Variants in WDR44 observed in about 807,000 individuals in gnomAD.
The protein encoded by WDR44 is WD repeat domain 44.
WDR44 carries 9 observed loss-of-function variants against 65.7 expected under a neutral mutation model. The ratio of observed to expected loss-of-function variants is 0.14; its 90% CI spans 0.08 to 0.24. The LOEUF is 0.24. Among genes scored for constraint, WDR44 ranks in the 10% least tolerant of loss-of-function variants. The pLI is 1.00. For synonymous variants in WDR44, 220 were observed against 235.2 expected, an observed-to-expected ratio of 0.94 and a Z score of 0.59; for missense variants, 425 against 670.9, an observed-to-expected ratio of 0.63 and a Z score of 4.05.
At chrX:118,394,303 C>T (rs1302868779) in intron 5 of WDR44, 118 bp downstream of exon 5, 2 of 1,004,907 alleles carry the variant, frequency 2.0e-6, no homozygotes. Flanking sequence ...CCAAACCTGA[C>T]CCCCTTACTT....
intron 1 of WDR44, among the ~76,000 whole-genome samples, chrX:118,359,540 A>G (rs934364309): frequency 1.8e-5 from 2 of 112,097 alleles, no homozygotes; most frequent in Non-Finnish European, 3.8e-5. Context: ...GTCATTTTAG[A>G]TAAGATATAA....
intron 3 of WDR44, among the ~76,000 whole-genome samples, chrX:118,391,685 C>T (rs1014391550): frequency 1.8e-5 from 2 of 111,697 alleles, no homozygotes; most frequent in Admixed American, 1.9e-4. Context: ...ATATTTTAAG[C>T]TACATATAAG....
At chrX:118,408,924 G>T (rs1416455896) in intron 10 of WDR44, among the ~76,000 whole-genome samples, 1 of 111,458 alleles carries the variant, frequency 9.0e-6, no homozygotes, top group Non-Finnish European at 1.9e-5. Context: ...ATGTGGACAG[G>T]GTTTGAGTTC....
intron 2 of WDR44, 137 bp downstream of exon 2, chrX:118,378,589 T>G: frequency 2.0e-6 from 1 of 497,829 alleles, no homozygotes; most frequent in Non-Finnish European, 3.4e-6. Flanking sequence ...TATGTCCTAC[T>G]TGGTATACAT....
chrX:118,444,585 A>G (rs779721199), intron 19 of WDR44, 91 bp downstream of exon 19: 1 of 1,016,851 alleles, frequency 9.8e-7, no homozygotes, highest in East Asian at 3.2e-5. Flanking sequence ...TCACTAGTAT[A>G]AAGAATATTT....
At chrX:118,405,685 G>A (rs886892575) in intron 9 of WDR44, among the ~76,000 whole-genome samples, 3 of 111,217 alleles carry the variant, frequency 2.7e-5, no homozygotes, top group African/African-American at 6.5e-5. Context: ...ATATCCATGG[G>A]TTCCACATGG....
intron 12 of WDR44, among the ~76,000 whole-genome samples, chrX:118,432,190 C>G (rs996323587): frequency 2.7e-5 from 3 of 111,568 alleles, no homozygotes; most frequent in Non-Finnish European, 5.6e-5. Flanking sequence ...CCTACTATCT[C>G]CCTGCTTTGT....
intron 19 of WDR44, chrX:118,447,054 T>C (rs2057352436): frequency 6.3e-6 from 2 of 317,867 alleles, no homozygotes; most frequent in Non-Finnish European, 1.2e-5. Context: ...TTTTTCTTTT[T>C]GCTAGCAATG....
intron 3 of WDR44, among the ~76,000 whole-genome samples, chrX:118,389,635 C>T (rs747339790): frequency 3.9e-5 from 4 of 102,877 alleles, no homozygotes; most frequent in Non-Finnish European, 5.9e-5. Context: ...GCAGGAGAAT[C>T]GCTTGAACCT....
chrX:118,390,162 T>G (rs1434435450), intron 3 of WDR44, among the ~76,000 whole-genome samples: 1 of 110,822 alleles, frequency 9.0e-6, no homozygotes, highest in East Asian at 2.8e-4. Context: ...CCTCAGTTGA[T>G]CCGCCCACCT....
intron 2 of WDR44, chrX:118,386,450 T>C (rs777048487): frequency 2.9e-5 from 10 of 347,569 alleles, no homozygotes; most frequent in Non-Finnish European, 5.0e-5. Context: ...TACGTAGATA[T>C]ATATGTATTT....
In WDR44 at chrX:118,442,686, T is replaced by C. The variant is rs1053162510; in HGVS notation, c.2384+6T>C. On this transcript the variant is annotated splice_donor_region_variant and intron_variant, in intron 17 of 19. Coordinates refer to ENST00000254029, the MANE Select transcript of WDR44 (RefSeq NM_019045.5). ...CAGATCAAAGCAAGTTTCAGGTAAA[T>C]TGGCAATGAGATGTTCCCAAAAGAG... 4 of 1,186,551 alleles carry C rather than the reference T, an allele frequency of 3.4e-6. No homozygotes were observed. Among genetic ancestry groups the C allele is most frequent in the Non-Finnish European group, 3.4e-6 (3 of 872,897 alleles).
intron 1 of WDR44, among the ~76,000 whole-genome samples, chrX:118,374,372 T>C (rs2056639485): frequency 8.9e-6 from 1 of 111,834 alleles, no homozygotes; most frequent in African/African-American, 3.3e-5. Context: ...ATTAATGTTC[T>C]ACAAATGGAT....
At chrX:118,390,800 C>CT (rs1449788056) in intron 3 of WDR44, among the ~76,000 whole-genome samples, 2 of 111,746 alleles carry the variant, frequency 1.8e-5, no homozygotes, top group African/African-American at 3.3e-5. Context: ...TATTTCTTAC[C>CT]TTTTTTTCAT....
At chrX:118,420,251 A>AT (rs374523427) in intron 12 of WDR44, among the ~76,000 whole-genome samples, 2 of 109,972 alleles carry the variant, frequency 1.8e-5, no homozygotes, top group East Asian at 2.8e-4. Context: ...GTGGTTTAAA[A>AT]TTTTTTTTTC....
chrX:118,419,106 C>G (rs1202436767), intron 12 of WDR44, among the ~76,000 whole-genome samples: 1 of 111,310 alleles, frequency 9.0e-6, no homozygotes, highest in African/African-American at 3.3e-5. Flanking sequence ...CCAGGCTACT[C>G]ACCTCCCAGC....
Position 118,407,010 on chromosome X carries a change from TTAG to T in WDR44, c.1519_1521del (p.Ser507del). ...GATCAGATCAAAGTGGTGCAAGATC[TTAG>T]TGGTGAACATATGGTAAGCAACTTT... On this transcript the variant is annotated inframe_deletion, in exon 10 of 20. Transcript: ENST00000254029. The T allele has an allele frequency of 8.3e-7, 1 of 1,207,056 alleles. No homozygotes were observed. The highest frequency in any genetic ancestry group is 1.1e-6 in the Non-Finnish European group (1 of 893,988).
chrX:118,363,226 T>C (rs2682999), intron 1 of WDR44, among the ~76,000 whole-genome samples: 50,476 of 105,621 alleles, frequency 0.48, 12,118 homozygotes, highest in African/African-American at 0.88. Flanking sequence ...GGTGAAACCC[T>C]GTCTCTACTA....
intron 19 of WDR44, chrX:118,447,175 TTTTTC>T (rs939023940): frequency 3.6e-4 from 90 of 252,433 alleles, no homozygotes; most frequent in African/African-American, 1.1e-3. Context: ...ACCTGGCCTT[TTTTTC>T]TTTTCTTTTC....
Sources: allele counts gnomAD v4.1 joint callset (sites outside exome capture counted in the v4.1 genomes callset), GRCh38; gene constraint gnomAD v4.1.1; transcripts MANE v1.5; gene names NCBI Gene and HGNC (gene_info 2026-07-23, HGNC 2026-07-21).